Variants in EVL observed in about 807,000 individuals in gnomAD.
The protein encoded by EVL is Enah/Vasp-like, also known as ena/VASP-like protein.
EVL carries 21 observed loss-of-function variants against 59.6 expected under a neutral mutation model. That is an observed-to-expected ratio of 0.35 (90% CI 0.25 to 0.51). The LOEUF is 0.51. Among genes scored for constraint, EVL ranks in the 20% least tolerant of loss-of-function variants. The pLI is 0.97. For missense variants in EVL, 462 were observed against 546.6 expected, an observed-to-expected ratio of 0.85 and a Z score of 1.54; for synonymous variants, 198 against 203.5, an observed-to-expected ratio of 0.97 and a Z score of 0.23.
In EVL at chr14:100,135,942, C is replaced by G; in HGVS notation, c.938C>G (p.Ala313Gly). The G allele has an allele frequency of 6.2e-7, 1 of 1,613,794 alleles. No homozygotes were observed. Among genetic ancestry groups the G allele is most frequent in the East Asian group, 2.2e-5 (1 of 44,884 alleles). ...PSTSPSPGTR[A>G]ASQPPNSSEA... ...ACCTCCCCCTCTCCGGGGACCCGAG[C>G]AGCCAGCCAGCCACCTAACTCCTCA... Residue 313 changes from alanine (A) to glycine (G), a missense_variant, in exon 9 of 14, where the codon GCA (alanine) becomes GGA (glycine). Coordinates refer to ENST00000392920, the MANE Select transcript of EVL (RefSeq NM_016337.3).
rs892574393 is a variant in EVL at position 100,130,535 on chromosome 14, C to T, written c.839+851C>T. Among the ~76,000 whole-genome samples, 2 of 152,202 alleles carry T rather than the reference C, an allele frequency of 1.3e-5. No homozygotes were observed. Among genetic ancestry groups the T allele is most frequent in the African/African-American group, 4.8e-5 (2 of 41,456 alleles). On this transcript the variant is annotated intron_variant, in intron 7 of 13. Transcript: ENST00000392920. The surrounding 1 kb of genome is among the most constrained non-coding windows in gnomAD (Gnocchi z 4.8). ...CCACCTCCACCCCCTGCCACTTTGT[C>T]GCCTTCTCCTGGCCCTCCCAGCTGC...
intron 1 of EVL, among the ~76,000 whole-genome samples, chr14:100,051,240 C>T (rs1157335007): frequency 6.6e-6 from 1 of 152,218 alleles, no homozygotes; most frequent in South Asian, 2.1e-4. Flanking sequence ...TCCGTCCTGA[C>T]TAGACATGAA....
intron 1 of EVL, among the ~76,000 whole-genome samples, chr14:99,989,253 CAGGT>C (rs556267725): frequency 6.6e-6 from 1 of 152,132 alleles, no homozygotes; most frequent in South Asian, 2.1e-4. Context: ...CTGTCACATC[CAGGT>C]GTCTTTTATC....
chr14:100,072,173 A>C (rs1358084689), intron 1 of EVL, among the ~76,000 whole-genome samples: 2 of 152,250 alleles, frequency 1.3e-5, no homozygotes, highest in Admixed American at 6.5e-5. Flanking sequence ...AATGTAATCC[A>C]TGAGCAGATC....
intron 1 of EVL, 37 bp downstream of exon 1, chr14:100,065,548 T>C: frequency 7.6e-7 from 1 of 1,315,620 alleles, no homozygotes; most frequent in Non-Finnish European, 1.0e-6. Flanking sequence ...CAGAGGGATG[T>C]CAAGAGGAAA....
chr14:100,011,969 A>T (rs529889586), intron 1 of EVL, among the ~76,000 whole-genome samples: 1 of 152,336 alleles, frequency 6.6e-6, no homozygotes, highest in South Asian at 2.1e-4. Flanking sequence ...AGGAATTATT[A>T]TTTACAACTT....
At chr14:100,066,149 C>G (rs1449835096) in intron 1 of EVL, among the ~76,000 whole-genome samples, 1 of 152,218 alleles carries the variant, frequency 6.6e-6, no homozygotes, top group Non-Finnish European at 1.5e-5. Context: ...GATGATAGGA[C>G]AGACAGACTT....
Position 99,989,607 on chromosome 14 carries a change from A to G in EVL, c.5+17550A>G, listed in dbSNP as rs533458941. On this transcript the variant is annotated intron_variant, in intron 1 of 13. Coordinates refer to the EVL transcript ENST00000402714. ...GAACCCACCCTCACATATTTTTTAT[A>G]CATCTTTTACCTTGTATATAATATT... Among the ~76,000 whole-genome samples the G allele has an allele frequency of 2.4e-3, 372 of 152,298 alleles. 1 individual carries two copies. Among genetic ancestry groups the G allele is most frequent in the African/African-American group, 8.3e-3 (345 of 41,584 alleles).
intron 1 of EVL, among the ~76,000 whole-genome samples, chr14:100,076,990 A>G (rs536635014): frequency 2.0e-5 from 3 of 152,250 alleles, no homozygotes; most frequent in Admixed American, 6.5e-5. Context: ...AAGAGGAAAG[A>G]TATGGGTAGA....
At chr14:100,013,567 G>A (rs536987025) in intron 1 of EVL, among the ~76,000 whole-genome samples, 29 of 152,344 alleles carry the variant, frequency 1.9e-4, no homozygotes, top group Non-Finnish European at 3.7e-4. Flanking sequence ...GAAGGTGGAA[G>A]CACTATGGAT....
intron 1 of EVL, among the ~76,000 whole-genome samples, chr14:100,032,089 GA>G (rs2061323138): frequency 6.6e-6 from 1 of 152,226 alleles, no homozygotes; most frequent in African/African-American, 2.4e-5. Flanking sequence ...AAAAGAGATG[GA>G]TAAAAGTGGT....
chr14:100,088,055 A>G (rs1405005492), intron 2 of EVL, among the ~76,000 whole-genome samples: 1 of 152,354 alleles, frequency 6.6e-6, no homozygotes, highest in East Asian at 1.9e-4. Context: ...ACCTAGGAAT[A>G]TTGCGTGGAT....
At position 100,104,215 on chromosome 14, in the gene EVL, A is replaced by G. The variant is rs1047263262; in HGVS notation, c.358+6557A>G. Among the ~76,000 whole-genome samples the G allele has an allele frequency of 3.3e-5, 5 of 152,338 alleles. No homozygotes were observed. The South Asian group carries it at 1.0e-3, about 32-fold the overall frequency. ...TACATAGTCTACCTCTGCATTCAGC[A>G]GCCCCAGGGGACTTGACTTTTGAGT... On this transcript the variant is annotated intron_variant, in intron 3 of 13. Coordinates refer to ENST00000392920, the MANE Select transcript of EVL (RefSeq NM_016337.3).
chr14:100,003,998 G>C (rs1350570261), intron 1 of EVL, among the ~76,000 whole-genome samples: 1 of 152,214 alleles, frequency 6.6e-6, no homozygotes, highest in Non-Finnish European at 1.5e-5. Context: ...GACATCAGGA[G>C]TTCAAGACCA....
intron 2 of EVL, among the ~76,000 whole-genome samples, chr14:100,091,476 A>G (rs1390680302): frequency 1.3e-5 from 2 of 152,206 alleles, no homozygotes; most frequent in African/African-American, 4.8e-5. Flanking sequence ...TAAAGTCTCC[A>G]TAAAAGGACC....
intron 1 of EVL, among the ~76,000 whole-genome samples, chr14:100,076,002 T>C (rs930707794): frequency 6.6e-6 from 1 of 152,220 alleles, no homozygotes; most frequent in South Asian, 2.1e-4. Context: ...TTAGTAGTTA[T>C]TAAATGAATG....
intron 1 of EVL, among the ~76,000 whole-genome samples, chr14:100,027,992 C>A (rs1012237425): frequency 2.6e-5 from 4 of 152,046 alleles, no homozygotes; most frequent in Admixed American, 6.6e-5. Context: ...CTATCTGGAC[C>A]GTTGTGACTA....
rs575633392 is a variant in EVL at position 100,077,992 on chromosome 14, T to C, written c.12-6695T>C. 3.3e-5 allele frequency among the ~76,000 whole-genome samples: 5 copies of C among 152,240 alleles called. No individual in the cohort carries two copies. In the South Asian group the frequency reaches 1.0e-3, roughly 32 times the overall value. ...GGGTTTCACCGGTTAGCCAGGATGG[T>C]CTCGATCTCCTGACCTCGTGATCCG... On this transcript the variant is annotated intron_variant, in intron 1 of 13. Coordinates refer to ENST00000392920, the MANE Select transcript of EVL (RefSeq NM_016337.3).
At chr14:99,977,604 T>C (rs562251123) in intron 1 of EVL, among the ~76,000 whole-genome samples, 51 of 152,138 alleles carry the variant, frequency 3.4e-4, no homozygotes, top group African/African-American at 1.2e-3. Flanking sequence ...GCGGCTAATA[T>C]TTTGTATTTT....
Sources: gnomAD v4.1 joint callset for allele counts (sites outside exome capture counted in the v4.1 genomes callset) on GRCh38, gnomAD v4.1.1 for gene constraint, Gnocchi (gnomAD v3.1) non-coding constraint, MANE v1.5 for transcripts, NCBI Gene and HGNC (gene_info 2026-07-23, HGNC 2026-07-21) for gene names.